The following PDE4A variants were observed in gnomAD, a reference collection of about 807,000 sequenced individuals.
The protein encoded by PDE4A is 3',5'-cyclic-AMP phosphodiesterase 4A.
A neutral mutation model predicts 73.9 loss-of-function variants in PDE4A; 21 were observed. The observed-to-expected ratio is 0.28, with a 90% CI of 0.20 to 0.41. The LOEUF (loss-of-function observed/expected upper bound fraction) is 0.41, where lower values mean the gene tolerates loss of function less well. Ranked by LOEUF, PDE4A falls within the 10% of genes least tolerant of loss-of-function variation. The probability of loss-of-function intolerance (pLI) is 1.00; values close to 1 mark genes in which losing one functional copy is unlikely to be tolerated. For synonymous variants in PDE4A, 463 were observed against 505.4 expected (o/e 0.92, Z 1.13); for missense variants, 958 against 1,211.4 (o/e 0.79, Z 3.10).
chr19:10,452,930 G>A (rs1371188015), intron 6 of PDE4A: 8 of 1,050,462 alleles, frequency 7.6e-6, no homozygotes, highest in South Asian at 3.5e-5. Context: ...GAGCACACAC[G>A]CACACACACG....
At chr19:10,441,517 T>G (rs1458217717) in intron 1 of PDE4A, among the ~76,000 whole-genome samples, 2 of 152,018 alleles carry the variant, frequency 1.3e-5, no homozygotes, top group Non-Finnish European at 2.9e-5. Context: ...TCAGCCTCTG[T>G]TGATACACAA....
chr19:10,432,344 G>T, intron 1 of PDE4A: 1 of 1,281,280 alleles, frequency 7.8e-7, no homozygotes, highest in South Asian at 2.6e-5. Flanking sequence ...CGGCAGTGGA[G>T]GCCGCAGACA....
chr19:10,417,638 A>G (rs756467631), upstream of PDE4A: 10 of 1,577,576 alleles, frequency 6.3e-6, no homozygotes, highest in Non-Finnish European at 8.6e-6. Flanking sequence ...CCACGCCCCT[A>G]TTCCACTTTG....
At chr19:10,445,163 A>G (rs931877969) in intron 1 of PDE4A, among the ~76,000 whole-genome samples, 2 of 152,186 alleles carry the variant, frequency 1.3e-5, no homozygotes, top group African/African-American at 4.8e-5. Context: ...AGGTGTTTCC[A>G]AGCTCGCCCT....
chr19:10,441,290 G>A (rs542533917), intron 1 of PDE4A, among the ~76,000 whole-genome samples: 4 of 152,144 alleles, frequency 2.6e-5, no homozygotes, highest in African/African-American at 9.6e-5. Context: ...CACCATGCCC[G>A]GCTAATTTTT....
chr19:10,425,074 A>C (rs1297853552), intron 1 of PDE4A, among the ~76,000 whole-genome samples: 9 of 151,972 alleles, frequency 5.9e-5, no homozygotes, highest in Admixed American at 5.9e-4. Flanking sequence ...AAATACAAAA[A>C]TTAGCCGGGT....
intron 1 of PDE4A, among the ~76,000 whole-genome samples, chr19:10,445,144 ACCTCATT>A (rs2042986826): frequency 1.3e-5 from 2 of 152,142 alleles, no homozygotes; most frequent in Admixed American, 1.3e-4. Flanking sequence ...GGAGGACTTG[ACCTCATT>A]CAGGTGTTTC....
At chr19:10,427,635 T>C (rs1442621432) in intron 1 of PDE4A, 1 of 984,750 alleles carries the variant, frequency 1.0e-6, no homozygotes. Flanking sequence ...AAAATTCCTG[T>C]CTCTGAAGCC....
At chr19:10,466,307 C>T (rs971080739) in intron 14 of PDE4A, among the ~76,000 whole-genome samples, 5 of 148,460 alleles carry the variant, frequency 3.4e-5, no homozygotes, top group Non-Finnish European at 7.5e-5. Context: ...TAGCCAGGCA[C>T]GATGGCGGGC....
chr19:10,435,494 G>A (rs1311683053), intron 1 of PDE4A, among the ~76,000 whole-genome samples: 1 of 151,950 alleles, frequency 6.6e-6, no homozygotes, highest in Non-Finnish European at 1.5e-5. Flanking sequence ...CTGGGAGGCT[G>A]AGGCTGCAGT....
chr19:10,469,069 T>C lies in PDE4A; in HGVS notation c.*1448T>C, dbSNP rs1458771004. On this transcript the variant is annotated 3_prime_UTR_variant, in exon 15 of 15. Coordinates refer to ENST00000380702, the MANE Select transcript of PDE4A (RefSeq NM_001111307.2). ...GAGGTAACCCCGCACTCACACTCCC[T>C]TGATGCTGTCTGTACAGGGTTCATA... is the stretch of plus-strand genomic sequence containing the variant. 1 of 152,820 alleles carries C rather than the reference T, an allele frequency of 6.5e-6. No individual in the cohort carries two copies. The highest frequency in any genetic ancestry group is 1.9e-4 in the East Asian group (1 of 5,328). 9.5% of individuals were successfully genotyped at this position (152,820 alleles called of 1,614,324 possible).
chr19:10,467,655 C>T lies in PDE4A; in HGVS notation c.*34C>T, dbSNP rs768453312. 6.9e-7 allele frequency: 1 copy of T among 1,446,896 alleles called. No individual in the cohort carries two copies. Among genetic ancestry groups the T allele is most frequent in the Admixed American group, 2.2e-5 (1 of 45,566 alleles). 89.6% of individuals were successfully genotyped at this position (1,446,896 alleles called of 1,614,324 possible). The stretch of plus-strand genomic sequence containing the variant: ...CCTCTGTCCCTGTTCCCCTCCACTC[C>T]TCCCCTCACTCCCCTGCTCCCCCGA... On this transcript the variant is annotated 3_prime_UTR_variant, in exon 15 of 15. Transcript: ENST00000380702.
At chr19:10,462,400 C>T (rs975480575) in intron 13 of PDE4A, among the ~76,000 whole-genome samples, 4 of 151,496 alleles carry the variant, frequency 2.6e-5, no homozygotes, top group South Asian at 2.1e-4. Flanking sequence ...GATCCCCCCC[C>T]GCCCCCCGCC....
intron 1 of PDE4A, among the ~76,000 whole-genome samples, chr19:10,425,973 T>A (rs1432570347): frequency 9.3e-6 from 1 of 107,502 alleles, no homozygotes; most frequent in Non-Finnish European, 1.7e-5. Flanking sequence ...GGCGAGAGAC[T>A]GAGACCCTGT....
intron 7 of PDE4A, among the ~76,000 whole-genome samples, chr19:10,457,443 G>A (rs868476997): frequency 2.4e-5 from 3 of 125,746 alleles, no homozygotes; most frequent in Non-Finnish European, 3.5e-5. Flanking sequence ...GGGGGGGGGG[G>A]GGGCAGGGAC....
chr19:10,466,713 C>T (rs1375008261), intron 14 of PDE4A, 174 bp from the exon 15 acceptor site: 23 of 483,480 alleles, frequency 4.8e-5, no homozygotes, highest in Non-Finnish European at 5.1e-5. Flanking sequence ...AGGCTGGTCT[C>T]GAACTCCTGA....
At chr19:10,431,140 A>C in intron 1 of PDE4A, 1 of 1,251,296 alleles carries the variant, frequency 8.0e-7, no homozygotes, top group Admixed American at 2.9e-5. Context: ...CACCTGGCGC[A>C]CTCCAGGGTC....
intron 1 of PDE4A, among the ~76,000 whole-genome samples, chr19:10,431,885 G>A (rs959693262): frequency 6.6e-6 from 1 of 152,100 alleles, no homozygotes; most frequent in African/African-American, 2.4e-5. Flanking sequence ...CTCTCTCTCT[G>A]CGTCCTGCGT....
intron 7 of PDE4A, among the ~76,000 whole-genome samples, chr19:10,455,763 A>G (rs2145561996): frequency 8.6e-6 from 1 of 116,176 alleles, no homozygotes; most frequent in South Asian, 2.7e-4. Flanking sequence ...ACTCTGTCTC[A>G]AAAAATAAAC....
Sources: allele counts gnomAD v4.1 joint callset (sites outside exome capture counted in the v4.1 genomes callset), GRCh38; gene constraint gnomAD v4.1.1; transcripts MANE v1.5; gene names NCBI Gene and HGNC (gene_info 2026-07-23, HGNC 2026-07-21).